Variants in ADAM12 observed in about 807,000 individuals in gnomAD.
The protein encoded by ADAM12 is disintegrin and metalloproteinase domain-containing protein 12.
ADAM12 carries 70 observed loss-of-function variants against 106.4 expected under a neutral mutation model. That is an observed-to-expected ratio of 0.66 (90% CI 0.54 to 0.80). ADAM12 has a LOEUF of 0.80. Ranked by LOEUF, ADAM12 falls within the 30% of genes least tolerant of loss-of-function variation. ADAM12 has a pLI of 0.00. For missense variants in ADAM12, 1,010 were observed against 1,171.9 expected (o/e 0.86, Z 2.02); for synonymous variants, 420 against 433.5 (o/e 0.97, Z 0.39).
chr10:126,257,256 T>C (rs1415949957), intron 3 of ADAM12, among the ~76,000 whole-genome samples: 1 of 152,204 alleles, frequency 6.6e-6, no homozygotes, highest in Non-Finnish European at 1.5e-5. Flanking sequence ...GGCAGTGATG[T>C]CCTAAAGCCC....
intron 2 of ADAM12, among the ~76,000 whole-genome samples, chr10:126,280,784 C>A (rs190030356): frequency 5.4e-4 from 82 of 152,112 alleles, no homozygotes; most frequent in Non-Finnish European, 8.8e-5. Flanking sequence ...GAAATTCTTA[C>A]GTATCTTTTC....
At chr10:126,153,711 C>G (rs1328120012) in intron 4 of ADAM12, among the ~76,000 whole-genome samples, 1 of 151,958 alleles carries the variant, frequency 6.6e-6, no homozygotes, top group Non-Finnish European at 1.5e-5. Context: ...ATTTTTATTA[C>G]TTTTTCTTCC....
chr10:126,387,909 C>T, intron 1 of ADAM12, 149 bp downstream of exon 1: 4 of 1,075,782 alleles, frequency 3.7e-6, no homozygotes, highest in Non-Finnish European at 4.6e-6. Flanking sequence ...GGGTCGGTCT[C>T]GCCGCGCTGG....
At chr10:126,017,407 C>T in intron 22 of ADAM12, 68 bp from the exon 23 acceptor site, 1 of 1,438,662 alleles carries the variant, frequency 7.0e-7, no homozygotes, top group Non-Finnish European at 9.5e-7. Context: ...ATAGAGAGGT[C>T]TGGGGTTGGA....
intron 4 of ADAM12, among the ~76,000 whole-genome samples, chr10:126,139,352 C>CT (rs1185581942): frequency 1.3e-5 from 2 of 150,414 alleles, no homozygotes; most frequent in Non-Finnish European, 3.0e-5. Flanking sequence ...AATAAGATCT[C>CT]TTTTTTCCTA....
intron 3 of ADAM12, among the ~76,000 whole-genome samples, chr10:126,225,801 C>T (rs555747291): frequency 6.6e-6 from 1 of 152,312 alleles, no homozygotes; most frequent in South Asian, 2.1e-4. Context: ...CCTCTCTGAC[C>T]TTCCTGGAAC....
At chr10:126,160,445 G>A (rs546612047) in intron 3 of ADAM12, among the ~76,000 whole-genome samples, 2 of 152,324 alleles carry the variant, frequency 1.3e-5, no homozygotes, top group Non-Finnish European at 2.9e-5. Context: ...CTATGAGCTG[G>A]AAAAACAGGC....
intron 11 of ADAM12, among the ~76,000 whole-genome samples, chr10:126,088,369 G>GT (rs1451158190): frequency 6.6e-6 from 1 of 152,064 alleles, no homozygotes; most frequent in Non-Finnish European, 1.5e-5. Flanking sequence ...AGCTTGTCCT[G>GT]AGTCAGGGGC....
intron 3 of ADAM12, among the ~76,000 whole-genome samples, chr10:126,219,595 T>C (rs1014703182): frequency 2.6e-5 from 4 of 152,224 alleles, no homozygotes; most frequent in African/African-American, 4.8e-5. Flanking sequence ...AAAATCCTTA[T>C]AGTTGAACAA....
At chr10:126,136,349 T>C (rs1300248579) in intron 4 of ADAM12, among the ~76,000 whole-genome samples, 2 of 152,172 alleles carry the variant, frequency 1.3e-5, no homozygotes, top group Non-Finnish European at 2.9e-5. Context: ...AATTTTATCA[T>C]CGAGCAAAGG....
At chr10:126,139,000 A>G (rs1434973131) in intron 4 of ADAM12, among the ~76,000 whole-genome samples, 2 of 152,088 alleles carry the variant, frequency 1.3e-5, no homozygotes, top group Admixed American at 1.3e-4. Flanking sequence ...TGTCTTGGTG[A>G]CTTTCTCCAA....
intron 3 of ADAM12, among the ~76,000 whole-genome samples, chr10:126,199,845 T>G (rs965365563): frequency 1.3e-5 from 2 of 152,208 alleles, no homozygotes; most frequent in Non-Finnish European, 2.9e-5. Flanking sequence ...GAGAAAGGCA[T>G]TAAGGTTTGT....
At chr10:126,036,452 A>T in intron 20 of ADAM12, 127 bp from the exon 21 acceptor site, 1 of 865,286 alleles carries the variant, frequency 1.2e-6, no homozygotes, top group Non-Finnish European at 1.7e-6. Context: ...GAAAGAAATC[A>T]AGGATGTACA....
At chr10:126,220,948 G>A (rs1958079185) in intron 3 of ADAM12, among the ~76,000 whole-genome samples, 1 of 152,248 alleles carries the variant, frequency 6.6e-6, no homozygotes, top group African/African-American at 2.4e-5. Context: ...GAGGCTTCCA[G>A]AACACATTCT....
intron 3 of ADAM12, among the ~76,000 whole-genome samples, chr10:126,207,807 TATCATC>T (rs1957823665): frequency 6.6e-6 from 1 of 152,242 alleles, no homozygotes; most frequent in South Asian, 2.1e-4. Flanking sequence ...CTCATCTCTT[TATCATC>T]ATCTCTCAGG....
rs1953635762 is a variant in ADAM12 at position 126,014,904 on chromosome 10, C to T, written c.*2375G>A. ...TGTTTTGAGGATATAAAAAAGAATA[C>T]TCCACCCCGTGCCTCCCCCAACCAC... On this transcript the variant is annotated 3_prime_UTR_variant, in exon 23 of 23. Transcript: ENST00000448723. The T allele has an allele frequency of 1.3e-5, 2 of 151,912 alleles. No homozygotes were observed. The highest frequency in any genetic ancestry group is 2.1e-4 in the South Asian group (1 of 4,818). 9.4% of individuals were successfully genotyped at this position (151,912 alleles called of 1,614,324 possible). A position where few individuals can be genotyped will look rare whatever the true frequency, so the allele number is the denominator to read the frequency against.
chr10:126,071,867 C>T (rs1234288373), intron 11 of ADAM12, among the ~76,000 whole-genome samples: 2 of 152,174 alleles, frequency 1.3e-5, no homozygotes, highest in South Asian at 2.1e-4. Flanking sequence ...AGTGCCAACG[C>T]GGCTGATGAA....
chr10:126,213,958 G>T (rs11244887), intron 3 of ADAM12, among the ~76,000 whole-genome samples: 31,042 of 152,100 alleles, frequency 0.2, 3,272 homozygotes, highest in Non-Finnish European at 0.23. Flanking sequence ...CTTAGCAAAG[G>T]TTTTGCTACC....
intron 8 of ADAM12, among the ~76,000 whole-genome samples, chr10:126,102,069 AG>A (rs1955679153): frequency 1.3e-5 from 2 of 152,132 alleles, no homozygotes; most frequent in African/African-American, 2.4e-5. Context: ...GTTCTGGGTC[AG>A]GGCAGGGAAA....
Sources: allele counts gnomAD v4.1 joint callset (sites outside exome capture counted in the v4.1 genomes callset), GRCh38; gene constraint gnomAD v4.1.1; transcripts MANE v1.5; gene names NCBI Gene and HGNC (gene_info 2026-07-23, HGNC 2026-07-21).